CDH13: variants seen among roughly 807,000 people sequenced by gnomAD.
CDH13 encodes cadherin-13.
A neutral mutation model predicts 63.8 loss-of-function variants in CDH13; 24 were observed. The observed-to-expected ratio is 0.38, with a 90% CI of 0.27 to 0.53. The LOEUF is 0.53. Among genes scored for constraint, CDH13 ranks in the 20% least tolerant of loss-of-function variants. The pLI is 0.85. For synonymous variants in CDH13, 503 were observed against 355.3 expected (o/e 1.42, Z -4.67); for missense variants, 1,049 against 903.1 (o/e 1.16, Z -2.07).
At chr16:83,287,479 C>A (rs1423543835) in intron 5 of CDH13, among the ~76,000 whole-genome samples, 1 of 152,138 alleles carries the variant, frequency 6.6e-6, no homozygotes. Context: ...AGATCAGGGG[C>A]AGCATTAGAT....
At chr16:83,346,584 C>G (rs183387383) in intron 6 of CDH13, among the ~76,000 whole-genome samples, 8 of 152,246 alleles carry the variant, frequency 5.3e-5, no homozygotes, top group Non-Finnish European at 1.0e-4. Context: ...TGTGAGCTTG[C>G]ACATGTCTTT....
intron 8 of CDH13, among the ~76,000 whole-genome samples, chr16:83,616,156 T>G (rs1393277765): frequency 2.0e-5 from 3 of 152,230 alleles, no homozygotes; most frequent in African/African-American, 7.2e-5. Context: ...CTGGATTTAA[T>G]TGTTCATACA....
At chr16:83,733,868 G>T (rs931868299) in intron 10 of CDH13, among the ~76,000 whole-genome samples, 7 of 152,194 alleles carry the variant, frequency 4.6e-5, no homozygotes, top group Non-Finnish European at 1.0e-4. Context: ...GTGGACAAAA[G>T]TGGAACGTGA....
chr16:82,814,095 C>G (rs1213717926), intron 1 of CDH13, among the ~76,000 whole-genome samples: 1 of 152,036 alleles, frequency 6.6e-6, no homozygotes, highest in Non-Finnish European at 1.5e-5. Context: ...ACCAAAGTGC[C>G]TGGCTGTGAT....
At chr16:83,500,322 TCC>T (rs2074246892) in intron 7 of CDH13, among the ~76,000 whole-genome samples, 9 of 502 alleles carry the variant, frequency 0.018, 3 homozygotes, top group African/African-American at 0.02. Flanking sequence ...CTCCTTCTCC[TCC>T]TCCTCCTCCT....
chr16:82,970,955 T>G (rs1396904168), intron 2 of CDH13, among the ~76,000 whole-genome samples: 2 of 152,220 alleles, frequency 1.3e-5, no homozygotes, highest in African/African-American at 4.8e-5. Context: ...AATGTACAAA[T>G]AAATGTTTAA....
chr16:82,820,544 C>G (rs2037955436), intron 1 of CDH13, among the ~76,000 whole-genome samples: 1 of 152,184 alleles, frequency 6.6e-6, no homozygotes, highest in Admixed American at 6.5e-5. Flanking sequence ...TGGAACTGCA[C>G]TGCAGTTATT....
At chr16:83,338,500 G>C (rs1056099305) in intron 5 of CDH13, among the ~76,000 whole-genome samples, 3 of 152,306 alleles carry the variant, frequency 2.0e-5, no homozygotes, top group Non-Finnish European at 4.4e-5. Context: ...ATAAACTCCC[G>C]TCCTCATGTG....
At chr16:83,309,927 C>A (rs574333257) in intron 5 of CDH13, among the ~76,000 whole-genome samples, 66 of 152,078 alleles carry the variant, frequency 4.3e-4, no homozygotes, top group Admixed American at 9.2e-4. Context: ...GTGAAAGTGG[C>A]TCTCCCTCAG....
chr16:83,551,932 A>T (rs557492854), intron 7 of CDH13, among the ~76,000 whole-genome samples: 6 of 152,168 alleles, frequency 3.9e-5, no homozygotes, highest in African/African-American at 1.4e-4. Flanking sequence ...GGATGGATGG[A>T]TGGGTAGATA....
intron 1 of CDH13, among the ~76,000 whole-genome samples, chr16:82,815,514 T>C (rs1178094691): frequency 1.3e-5 from 2 of 152,180 alleles, no homozygotes; most frequent in Admixed American, 6.5e-5. Flanking sequence ...ACTCCCTACA[T>C]GGGAGATATT....
intron 1 of CDH13, among the ~76,000 whole-genome samples, chr16:82,636,514 A>G (rs1324375815): frequency 6.6e-6 from 1 of 152,172 alleles, no homozygotes; most frequent in Admixed American, 6.5e-5. Context: ...AAGCCCTTTA[A>G]TCGTTTCTTG....
chr16:82,698,955 A>G (rs1019045374), intron 1 of CDH13, among the ~76,000 whole-genome samples: 5 of 152,140 alleles, frequency 3.3e-5, no homozygotes, highest in Non-Finnish European at 7.3e-5. Flanking sequence ...AAAATGTAAA[A>G]AAACAGAGAT....
chr16:83,216,425 T>TATATATAA (rs2039522618), intron 4 of CDH13, among the ~76,000 whole-genome samples: 1 of 101,080 alleles, frequency 9.9e-6, no homozygotes, highest in African/African-American at 3.8e-5. Flanking sequence ...TATATATATA[T>TATATATAA]ATATATATAT....
intron 2 of CDH13, among the ~76,000 whole-genome samples, chr16:82,894,237 G>C (rs1020949951): frequency 6.6e-5 from 10 of 152,124 alleles, no homozygotes; most frequent in African/African-American, 2.4e-4. Context: ...TTACAGGTGT[G>C]AGCCACTCTG....
At chr16:82,828,340 G>T (rs1019653275) in intron 1 of CDH13, among the ~76,000 whole-genome samples, 6 of 152,146 alleles carry the variant, frequency 3.9e-5, no homozygotes, top group Admixed American at 3.3e-4. Context: ...TCCTCTGGCC[G>T]AGTGTGGTGG....
chr16:82,673,885 C>G (rs370297806), intron 1 of CDH13, among the ~76,000 whole-genome samples: 2 of 152,188 alleles, frequency 1.3e-5, no homozygotes, highest in African/African-American at 4.8e-5. Flanking sequence ...ACTGAGAAAA[C>G]TAAAATTCTA....
At chr16:83,131,196 C>T (rs941097041) in intron 4 of CDH13, among the ~76,000 whole-genome samples, 2 of 114,430 alleles carry the variant, frequency 1.7e-5, no homozygotes, top group East Asian at 2.8e-4. Flanking sequence ...CCCCCCCCCC[C>T]CCCCCGCCCA....
intron 6 of CDH13, among the ~76,000 whole-genome samples, chr16:83,407,624 T>C (rs369787300): frequency 9.2e-5 from 14 of 152,218 alleles, no homozygotes; most frequent in African/African-American, 3.4e-4. Context: ...CTAAAGAAGG[T>C]AGGTGCCCAC....
Sources: allele counts gnomAD v4.1 joint callset (sites outside exome capture counted in the v4.1 genomes callset), GRCh38; gene constraint gnomAD v4.1.1; transcripts MANE v1.5; gene names NCBI Gene and HGNC (gene_info 2026-07-23, HGNC 2026-07-21).